UBQLN1: variants seen among roughly 807,000 people sequenced by gnomAD.
The protein encoded by UBQLN1 is ubiquilin-1.
Under a neutral mutation model 65.4 loss-of-function variants are expected in UBQLN1, and 13 were observed. The observed-to-expected ratio is 0.20, with a 90% confidence interval of 0.13 to 0.32. The LOEUF (loss-of-function observed/expected upper bound fraction) is 0.32. Ranked by LOEUF, UBQLN1 falls within the 10% of genes least tolerant of loss-of-function variation. The pLI is 1.00. For missense variants in UBQLN1, 561 were observed against 724.0 expected (o/e 0.77, Z 2.58); for synonymous variants, 267 against 247.8 (o/e 1.08, Z -0.73).
At chr9:83,704,554 C>T (rs7857256) in intron 1 of UBQLN1, among the ~76,000 whole-genome samples, 4,412 of 152,242 alleles carry the variant, frequency 0.029, 224 homozygotes, top group African/African-American at 0.1. Flanking sequence ...GCCGGGTGCC[C>T]GGTGGTTCAC....
chr9:83,688,273 A>C (rs761915868), intron 1 of UBQLN1, among the ~76,000 whole-genome samples: 8 of 152,208 alleles, frequency 5.3e-5, no homozygotes, highest in Non-Finnish European at 1.0e-4. Flanking sequence ...TATTTCAGAC[A>C]CAGAAAAAGA....
chr9:83,664,318 C>T, intron 9 of UBQLN1, among the ~76,000 whole-genome samples: 1 of 152,074 alleles, frequency 6.6e-6, no homozygotes, highest in East Asian at 1.9e-4. Flanking sequence ...ACTTGGCAGG[C>T]TGAGGTAAGA....
At chr9:83,702,788 T>G (rs10780625) in intron 1 of UBQLN1, among the ~76,000 whole-genome samples, 40,634 of 151,832 alleles carry the variant, frequency 0.27, 6,651 homozygotes, top group East Asian at 0.81. Flanking sequence ...AGTATAACGT[T>G]AAATCATGTG....
At chr9:83,690,642 G>T (rs574142068) in intron 1 of UBQLN1, among the ~76,000 whole-genome samples, 1 of 152,118 alleles carries the variant, frequency 6.6e-6, no homozygotes, top group Non-Finnish European at 1.5e-5. Flanking sequence ...GCCAACATGG[G>T]AGGACTGCTT....
At chr9:83,702,756 T>C (rs1184892583) in intron 1 of UBQLN1, among the ~76,000 whole-genome samples, 1 of 151,972 alleles carries the variant, frequency 6.6e-6, no homozygotes, top group South Asian at 2.1e-4. Flanking sequence ...GTGGACAGTA[T>C]AGTTCTAGAT....
chr9:83,678,022 A>AGT, intron 5 of UBQLN1, 61 bp from the exon 6 acceptor site: 1 of 1,056,434 alleles, frequency 9.5e-7, no homozygotes, highest in Non-Finnish European at 1.3e-6. Context: ...AAGATATGAA[A>AGT]CTTTTTTTTT....
chr9:83,682,435 C>T (rs545357306), intron 3 of UBQLN1, among the ~76,000 whole-genome samples: 1 of 152,080 alleles, frequency 6.6e-6, no homozygotes, highest in African/African-American at 2.4e-5. Flanking sequence ...CTATGGATGG[C>T]ATCACTGCAC....
rs1350509255 is a variant in UBQLN1, at chr9:83,661,411, A to G, written c.*376T>C. On this transcript the variant is annotated 3_prime_UTR_variant, in exon 11 of 11. Coordinates refer to ENST00000376395, the MANE Select transcript of UBQLN1 (RefSeq NM_013438.5). ...TAAGCAATACTGTACCACAAATTATAGAGTGCAAATGATTTGCTTCTTTTT... is the reference window on the plus strand; with the variant it reads ...TAAGCAATACTGTACCACAAATTATGGAGTGCAAATGATTTGCTTCTTTTT... The G allele has an allele frequency of 1.7e-5, 3 of 171,576 alleles. No homozygotes were observed. The highest frequency in any genetic ancestry group is 4.0e-5 in the Non-Finnish European group (3 of 75,120). 10.6% of individuals were successfully genotyped at this position (171,576 alleles called of 1,614,324 possible).
At chr9:83,689,096 C>T (rs1172463304) in intron 1 of UBQLN1, among the ~76,000 whole-genome samples, 2 of 152,070 alleles carry the variant, frequency 1.3e-5, no homozygotes, top group Non-Finnish European at 1.5e-5. Context: ...TGGCTCATCA[C>T]TTCCAACCAT....
chr9:83,698,954 TA>T (rs1377123300), intron 1 of UBQLN1, among the ~76,000 whole-genome samples: 4 of 149,998 alleles, frequency 2.7e-5, no homozygotes, highest in Middle Eastern at 7.0e-3. Context: ...TGCTACAACA[TA>T]AATGAACCTT....
At chr9:83,694,183 T>C (rs1193717170) in intron 1 of UBQLN1, among the ~76,000 whole-genome samples, 1 of 152,144 alleles carries the variant, frequency 6.6e-6, no homozygotes, top group East Asian at 1.9e-4. Flanking sequence ...AAAGTAAAAT[T>C]TACTTCAGCT....
intron 6 of UBQLN1, among the ~76,000 whole-genome samples, chr9:83,675,715 TGATA>T (rs1225817055): frequency 6.6e-6 from 1 of 152,230 alleles, no homozygotes; most frequent in Non-Finnish European, 1.5e-5. Flanking sequence ...CCTTCCACAC[TGATA>T]AATATGCTAT....
intron 1 of UBQLN1, among the ~76,000 whole-genome samples, chr9:83,703,304 C>T (rs892100939): frequency 3.3e-5 from 5 of 152,060 alleles, no homozygotes; most frequent in African/African-American, 1.2e-4. Context: ...TTTTTTAACA[C>T]CATGACATCA....
intron 1 of UBQLN1, among the ~76,000 whole-genome samples, chr9:83,700,248 C>T (rs1832288676): frequency 2.0e-5 from 3 of 152,092 alleles, no homozygotes; most frequent in Non-Finnish European, 2.9e-5. Context: ...CAAGAGTGAA[C>T]ATCATGAAGC....
At position 83,677,714 on chromosome 9, in the gene UBQLN1, G is replaced by A. The variant is rs367843701; in HGVS notation, c.1105+13C>T. ...GACAACAAAGAAAAAAGCCTGAGTT[G>A]TTAAAAGCATACCTCCTACTCCAGG... On this transcript the variant is annotated intron_variant, in intron 6 of 10. Coordinates refer to ENST00000376395, the MANE Select transcript of UBQLN1 (RefSeq NM_013438.5). The A allele has an allele frequency of 1.3e-4, 214 of 1,594,838 alleles. No homozygotes were observed. Among genetic ancestry groups the A allele is most frequent in the Non-Finnish European group, 1.8e-4 (211 of 1,166,618 alleles).
At chr9:83,673,131 G>A (rs1366863352) in intron 6 of UBQLN1, among the ~76,000 whole-genome samples, 2 of 152,184 alleles carry the variant, frequency 1.3e-5, no homozygotes, top group African/African-American at 4.8e-5. Context: ...TGGGGAGGCT[G>A]AGAAGGGAGA....
chr9:83,675,986 AATAC>A (rs1831825711), intron 6 of UBQLN1, among the ~76,000 whole-genome samples: 1 of 149,680 alleles, frequency 6.7e-6, no homozygotes, highest in Non-Finnish European at 1.5e-5. Flanking sequence ...CTCTTGATGT[AATAC>A]ATTCTCCATT....
intron 3 of UBQLN1, among the ~76,000 whole-genome samples, chr9:83,682,284 C>T (rs916041423): frequency 2.9e-4 from 42 of 142,854 alleles, no homozygotes; most frequent in Non-Finnish European, 4.9e-4. Context: ...GACTCTGTCT[C>T]AAAAAATATA....
At chr9:83,700,117 A>C (rs920367714) in intron 1 of UBQLN1, among the ~76,000 whole-genome samples, 2 of 152,250 alleles carry the variant, frequency 1.3e-5, no homozygotes, top group African/African-American at 4.8e-5. Context: ...TATATTCATT[A>C]TGAACCATCT....
Sources: allele counts gnomAD v4.1 joint callset (sites outside exome capture counted in the v4.1 genomes callset), GRCh38; gene constraint gnomAD v4.1.1; transcripts MANE v1.5; gene names NCBI Gene and HGNC (gene_info 2026-07-23, HGNC 2026-07-21).